KCNIP4: variants seen among roughly 807,000 people sequenced by gnomAD.
The protein encoded by KCNIP4 is potassium voltage-gated channel interacting protein 4.
KCNIP4 carries 12 observed loss-of-function variants against 34.0 expected under a neutral mutation model. The observed-to-expected ratio is 0.35, with a 90% confidence interval of 0.23 to 0.57. The LOEUF is 0.57. Among genes scored for constraint, KCNIP4 ranks in the 20% least tolerant of loss-of-function variants. The pLI, the probability that KCNIP4 is intolerant of heterozygous loss-of-function variation, is 0.83. For synonymous variants in KCNIP4, 124 were observed against 102.2 expected (o/e 1.21, Z -1.29); for missense variants, 238 against 311.7 (o/e 0.76, Z 1.78).
chr4:21,692,611 T>C (rs1318265548), intron 1 of KCNIP4, among the ~76,000 whole-genome samples: 5 of 152,304 alleles, frequency 3.3e-5, no homozygotes, highest in Admixed American at 3.3e-4. Flanking sequence ...AACATGGTGG[T>C]ATTTTATATG....
chr4:21,398,213 G>A (rs1351414836), intron 1 of KCNIP4, among the ~76,000 whole-genome samples: 2 of 152,130 alleles, frequency 1.3e-5, no homozygotes, highest in Non-Finnish European at 2.9e-5. Flanking sequence ...AAGGTTCTGC[G>A]GTAAGTGCAC....
At chr4:21,025,895 T>C (rs1740520326) in intron 1 of KCNIP4, among the ~76,000 whole-genome samples, 1 of 152,144 alleles carries the variant, frequency 6.6e-6, no homozygotes, top group South Asian at 2.1e-4. Flanking sequence ...ATTTAATAAC[T>C]ATTTACTGAA....
chr4:21,107,911 A>C (rs1471749610), intron 1 of KCNIP4, among the ~76,000 whole-genome samples: 4 of 151,332 alleles, frequency 2.6e-5, no homozygotes, highest in African/African-American at 7.4e-5. Context: ...CTCCTTTAAA[A>C]ATGTTGAATA....
At position 21,340,326 on chromosome 4, in the gene KCNIP4, T is replaced by C. The variant is rs75566475; in HGVS notation, c.62-457617A>G. 3.4e-3 allele frequency among the ~76,000 whole-genome samples: 516 copies of C among 152,302 alleles called. 3 individuals carry two copies. Among genetic ancestry groups the C allele is most frequent in the African/African-American group, 0.011 (476 of 41,594 alleles). On this transcript the variant is annotated intron_variant, in intron 1 of 8. Coordinates refer to ENST00000382152, the MANE Select transcript of KCNIP4 (RefSeq NM_025221.6). ...CTCAATGAAAAACAGTTCATTTACA[T>C]TTTAAAAACCTTGTCAGTATTAACC... is the stretch of plus-strand genomic sequence containing the variant.
chr4:21,703,960 G>A (rs113356485), intron 1 of KCNIP4, among the ~76,000 whole-genome samples: 2,301 of 152,234 alleles, frequency 0.015, 67 homozygotes, highest in African/African-American at 0.052. Context: ...TGTGAGGTAT[G>A]GTTAGAACAA....
chr4:21,517,948 T>C (rs898328392), intron 1 of KCNIP4, among the ~76,000 whole-genome samples: 2 of 152,132 alleles, frequency 1.3e-5, no homozygotes, highest in African/African-American at 4.8e-5. Flanking sequence ...TCCTATTTAT[T>C]CCACACAAAA....
chr4:21,616,014 G>T (rs1335876150), intron 1 of KCNIP4, among the ~76,000 whole-genome samples: 6 of 152,254 alleles, frequency 3.9e-5, no homozygotes, highest in African/African-American at 1.4e-4. Context: ...AGGTAGGTCA[G>T]ACCATGTCAT....
At chr4:21,897,651 A>G (rs1727473843) in intron 1 of KCNIP4, among the ~76,000 whole-genome samples, 1 of 152,192 alleles carries the variant, frequency 6.6e-6, no homozygotes. Flanking sequence ...TAGAATGAAT[A>G]ATCTAAAGGA....
At chr4:21,079,860 C>T (rs753585865) in intron 1 of KCNIP4, among the ~76,000 whole-genome samples, 6 of 151,644 alleles carry the variant, frequency 4.0e-5, no homozygotes, top group Admixed American at 1.3e-4. Flanking sequence ...GATTTGAACA[C>T]GGAAGCACCC....
intron 1 of KCNIP4, among the ~76,000 whole-genome samples, chr4:21,212,496 G>C (rs1577896763): frequency 6.6e-6 from 1 of 152,052 alleles, no homozygotes; most frequent in Non-Finnish European, 1.5e-5. Flanking sequence ...GTCCCAAAAG[G>C]GTAAAACATT....
At chr4:20,969,745 A>G (rs1475235853) in intron 1 of KCNIP4, among the ~76,000 whole-genome samples, 1 of 151,258 alleles carries the variant, frequency 6.6e-6, no homozygotes, top group Non-Finnish European at 1.5e-5. Context: ...AGGATTAGTA[A>G]ACTATATTAC....
rs112551009 is a variant in KCNIP4, at chr4:21,175,425, C to A, written c.62-292716G>T. ...AGTTCTGACCCCTATGTCTATTACA[C>A]ACAAATTTCTTTTTCCTTCACAATT... is the stretch of plus-strand genomic sequence containing the variant. On this transcript the variant is annotated intron_variant, in intron 1 of 8. Transcript: ENST00000382152. 1.3e-5 allele frequency among the ~76,000 whole-genome samples: 2 copies of A among 152,278 alleles called. 1 individual carries two copies. The highest frequency in any genetic ancestry group is 4.8e-5 in the African/African-American group (2 of 41,564).
At chr4:20,973,281 C>T (rs192838332) in intron 1 of KCNIP4, among the ~76,000 whole-genome samples, 1 of 152,338 alleles carries the variant, frequency 6.6e-6, no homozygotes, top group East Asian at 1.9e-4. Context: ...TCGCTTTGCA[C>T]TCTTATGTTA....
intron 1 of KCNIP4, among the ~76,000 whole-genome samples, chr4:21,054,576 A>T (rs1743241076): frequency 6.6e-6 from 1 of 151,970 alleles, no homozygotes; most frequent in Non-Finnish European, 1.5e-5. Context: ...AAGAATTCAA[A>T]AATAGTCCCA....
chr4:21,054,393 A>T (rs1340630563), intron 1 of KCNIP4, among the ~76,000 whole-genome samples: 1 of 151,762 alleles, frequency 6.6e-6, no homozygotes, highest in African/African-American at 2.4e-5. Flanking sequence ...GTGGTGGACA[A>T]CTGTAATCCC....
intron 1 of KCNIP4, among the ~76,000 whole-genome samples, chr4:21,246,316 C>A (rs1182961563): frequency 6.6e-6 from 1 of 152,194 alleles, no homozygotes. Context: ...GACAGACTGC[C>A]TGGCAGCCTC....
chr4:21,386,821 A>G (rs1344782448), intron 1 of KCNIP4, among the ~76,000 whole-genome samples: 1 of 152,136 alleles, frequency 6.6e-6, no homozygotes, highest in African/African-American at 2.4e-5. Context: ...ATACTCAGTC[A>G]ACTACATCAC....
chr4:21,795,258 G>T (rs956939878), intron 1 of KCNIP4, among the ~76,000 whole-genome samples: 2 of 152,220 alleles, frequency 1.3e-5, no homozygotes, highest in African/African-American at 4.8e-5. Flanking sequence ...GTGTGAGGAT[G>T]TGGTGAGGAG....
chr4:21,282,281 A>G (rs184878828), intron 1 of KCNIP4, among the ~76,000 whole-genome samples: 46 of 152,346 alleles, frequency 3.0e-4, no homozygotes, highest in Non-Finnish European at 1.8e-4. Flanking sequence ...GTTAAAGGAA[A>G]TATTATATCA....
Sources: allele counts gnomAD v4.1 joint callset (sites outside exome capture counted in the v4.1 genomes callset), GRCh38; gene constraint gnomAD v4.1.1; transcripts MANE v1.5; gene names NCBI Gene and HGNC (gene_info 2026-07-23, HGNC 2026-07-21).